The following OR7E24 variants were observed in gnomAD, a reference collection of about 807,000 sequenced individuals.
OR7E24 encodes olfactory receptor family 7 subfamily E member 24.
For synonymous variants in OR7E24, 130 were observed against 157.5 expected, an observed-to-expected ratio of 0.83 and a Z score of 1.31; for missense variants, 385 against 410.3, an observed-to-expected ratio of 0.94 and a Z score of 0.53.
At chr19:9,213,895 T>C in the OR7E24 span, 2 of 1,610,242 alleles carry the variant, frequency 1.2e-6, no homozygotes, top group Middle Eastern at 3.3e-4. Context: ...GAGGCCCTGA[T>C]TTGTCATGGA....
rs754925692 is a variant in OR7E24, at chr19:9,252,089, G to A, written c.*26G>A. Reference sequence around the variant, plus strand: ...AAATGGCAGCAAAATTTAACACCTAGGCCTGCAAATTCTGCCTCCTTGGTC... The same window carrying A: ...AAATGGCAGCAAAATTTAACACCTAAGCCTGCAAATTCTGCCTCCTTGGTC... On this transcript the variant is annotated 3_prime_UTR_variant, in exon 1 of 1. Coordinates refer to ENST00000456448, the MANE Select transcript of OR7E24 (RefSeq NM_001079935.2). 2 of 1,589,216 alleles carry A rather than the reference G, an allele frequency of 1.3e-6. No homozygotes were observed. The highest frequency in any genetic ancestry group is 1.7e-5 in the Admixed American group (1 of 57,964).
chr19:9,221,555 G>T, the OR7E24 span, among the ~76,000 whole-genome samples: 1 of 151,204 alleles, frequency 6.6e-6, no homozygotes, highest in African/African-American at 2.4e-5. Flanking sequence ...TTATCACCGT[G>T]TTAGCCAGGG....
At chr19:9,212,059 T>C in the OR7E24 span, 1 of 152,118 alleles carries the variant, frequency 6.6e-6, no homozygotes, top group Non-Finnish European at 1.5e-5. Context: ...TTAAAACATT[T>C]TTAATTTTTG....
At chr19:9,214,675 G>T in the OR7E24 span, 1 of 1,614,174 alleles carries the variant, frequency 6.2e-7, no homozygotes, top group Non-Finnish European at 8.5e-7. Flanking sequence ...GGGGTGTGGA[G>T]GTGGGAGTCA....
At chr19:9,220,681 C>T in the OR7E24 span, among the ~76,000 whole-genome samples, 4 of 152,134 alleles carry the variant, frequency 2.6e-5, no homozygotes, top group Admixed American at 6.6e-5. Context: ...CATGGGAGTG[C>T]GATATCCCTT....
At chr19:9,250,352 C>G (rs1247016885), upstream of OR7E24, among the ~76,000 whole-genome samples, 1 of 152,092 alleles carries the variant, frequency 6.6e-6, no homozygotes, top group Non-Finnish European at 1.5e-5. Flanking sequence ...GCCTTGGCCT[C>G]CCAAAGTGCT....
chr19:9,251,146 C>T lies in OR7E24; in HGVS notation c.103C>T (p.Leu35Phe), dbSNP rs780456767. 6.2e-7 allele frequency: 1 copy of T among 1,613,448 alleles called. No individual in the cohort carries two copies. Among genetic ancestry groups the T allele is most frequent in the Non-Finnish European group, 8.5e-7 (1 of 1,179,470 alleles). ...TGTCTCAGAATTCCTCCTCCTGGGA[C>T]TCTCAGAGGATCCAGAACTGCAGCC... The part of the protein sequence containing the change: ...TGVSEFLLLG[L>F]SEDPELQPVL... Residue 35 changes from leucine to phenylalanine, a missense_variant, in exon 1 of 1, where the codon CTC becomes TTC. Transcript: ENST00000456448.
the OR7E24 span, chr19:9,235,809 C>T: frequency 6.2e-7 from 1 of 1,611,142 alleles, no homozygotes; most frequent in Non-Finnish European, 8.5e-7. Context: ...CTCAGATTGT[C>T]TCCTCCTTAA....
the OR7E24 span, among the ~76,000 whole-genome samples, chr19:9,237,505 C>T: frequency 2.0e-5 from 3 of 151,660 alleles, no homozygotes; most frequent in Non-Finnish European, 2.9e-5. Context: ...TTAGTAGAGA[C>T]GGGGTTTCAC....
upstream of OR7E24, among the ~76,000 whole-genome samples, chr19:9,243,614 C>G (rs1340278855): frequency 6.6e-6 from 1 of 152,134 alleles, no homozygotes; most frequent in African/African-American, 2.4e-5. Context: ...TGGCAGGCAT[C>G]TATTTTGAAT....
At chr19:9,246,122 T>G (rs2066129001), upstream of OR7E24, among the ~76,000 whole-genome samples, 1 of 125,756 alleles carries the variant, frequency 8.0e-6, no homozygotes, top group African/African-American at 2.9e-5. Flanking sequence ...CAGGCTGGAG[T>G]GCAGTGGCGC....
Position 9,251,012 on chromosome 19 carries a change from A to G in OR7E24, c.-32A>G. On this transcript the variant is annotated 5_prime_UTR_variant, in exon 1 of 1. Coordinates refer to ENST00000456448, the MANE Select transcript of OR7E24 (RefSeq NM_001079935.2). ...AATTTCTTAATTGCTTGTATCCAAA[A>G]TATAGACACAGTGCTAGATGCTGGT... 1 of 1,473,902 alleles carries G rather than the reference A, an allele frequency of 6.8e-7. No homozygotes were observed. Among genetic ancestry groups the G allele is most frequent in the Non-Finnish European group, 9.1e-7 (1 of 1,102,010 alleles). 91.3% of individuals were successfully genotyped at this position (1,473,902 alleles called of 1,614,324 possible).
the OR7E24 span, among the ~76,000 whole-genome samples, chr19:9,228,941 G>A: frequency 6.6e-6 from 1 of 152,318 alleles, no homozygotes; most frequent in Admixed American, 6.5e-5. Flanking sequence ...AAATATTAAA[G>A]CCAGTTGAAA....
At chr19:9,210,699 C>CACACACACACACACACACA in the OR7E24 span, 365 of 151,834 alleles carry the variant, frequency 2.4e-3, 2 homozygotes, top group African/African-American at 8.4e-3. Flanking sequence ...CACACACACA[C>CACACACACACACACACACA]ACACACACAA....
chr19:9,208,079 C>A, the OR7E24 span: 1 of 151,372 alleles, frequency 6.6e-6, no homozygotes, highest in Non-Finnish European at 1.5e-5. Context: ...CTCTGTCACC[C>A]AGGCTGGAGT....
chr19:9,226,659 AG>A, the OR7E24 span, among the ~76,000 whole-genome samples: 1 of 152,272 alleles, frequency 6.6e-6, no homozygotes, highest in Non-Finnish European at 1.5e-5. Context: ...CAGATATTTA[AG>A]AATGTTAGCA....
chr19:9,217,899 A>G, the OR7E24 span, among the ~76,000 whole-genome samples: 10 of 152,296 alleles, frequency 6.6e-5, no homozygotes, highest in East Asian at 1.9e-3. Context: ...GGCTGACAGA[A>G]GAGAATTCGA....
chr19:9,214,609 T>C, the OR7E24 span: 9 of 1,613,838 alleles, frequency 5.6e-6, no homozygotes, highest in African/African-American at 4.0e-5. Context: ...TTGGGGACTG[T>C]GGTGGAGATG....
At chr19:9,225,702 T>A in the OR7E24 span, among the ~76,000 whole-genome samples, 2 of 152,196 alleles carry the variant, frequency 1.3e-5, no homozygotes, top group Non-Finnish European at 2.9e-5. Context: ...ACTCCTTGAA[T>A]GTACACAAAA....
Sources: gnomAD v4.1 joint callset for allele counts (sites outside exome capture counted in the v4.1 genomes callset) on GRCh38, gnomAD v4.1.1 for gene constraint, MANE v1.5 for transcripts, NCBI Gene and HGNC (gene_info 2026-07-23, HGNC 2026-07-21) for gene names.